The following SRPK2 variants were observed in gnomAD, a reference collection of about 807,000 sequenced individuals.
SRPK2 encodes SRSF protein kinase 2.
In SRPK2, 21 loss-of-function variants were observed where a neutral mutation model predicts 90.8. That is an observed-to-expected ratio of 0.23 (90% CI 0.16 to 0.33). SRPK2 has a LOEUF of 0.33. Ranked by LOEUF, SRPK2 falls within the 10% of genes least tolerant of loss-of-function variation. The pLI, the probability that SRPK2 is intolerant of heterozygous loss-of-function variation, is 1.00. For missense variants in SRPK2, 620 were observed against 869.0 expected, an observed-to-expected ratio of 0.71 and a Z score of 3.60; for synonymous variants, 288 against 311.1, an observed-to-expected ratio of 0.93 and a Z score of 0.78.
At chr7:105,360,208 C>T (rs1818273305) in intron 2 of SRPK2, among the ~76,000 whole-genome samples, 1 of 151,134 alleles carries the variant, frequency 6.6e-6, no homozygotes, top group African/African-American at 2.4e-5. Flanking sequence ...TCGACCCCTG[C>T]TTTTCTCTGC....
At chr7:105,295,160 C>G (rs1011609042) in intron 2 of SRPK2, among the ~76,000 whole-genome samples, 1 of 150,648 alleles carries the variant, frequency 6.6e-6, no homozygotes, top group Middle Eastern at 3.2e-3. Flanking sequence ...TGCGGTGAGC[C>G]AAACTGCGCC....
intron 2 of SRPK2, among the ~76,000 whole-genome samples, chr7:105,323,091 C>T (rs887890209): frequency 6.6e-6 from 1 of 151,922 alleles, no homozygotes; most frequent in Non-Finnish European, 1.5e-5. Flanking sequence ...CCCAGCTACT[C>T]GGGTGGCTGA....
At chr7:105,339,849 G>C (rs1421495167) in intron 2 of SRPK2, among the ~76,000 whole-genome samples, 3 of 152,124 alleles carry the variant, frequency 2.0e-5, no homozygotes, top group African/African-American at 7.2e-5. Context: ...TCACTTGGCA[G>C]CTGTTTGAAA....
chr7:105,393,008 AGG>A (rs1173591898), upstream of SRPK2, among the ~76,000 whole-genome samples: 1 of 122,490 alleles, frequency 8.2e-6, no homozygotes, highest in Non-Finnish European at 1.7e-5. Context: ...TTTGGTGGAG[AGG>A]GGAAGGGAAG....
At chr7:105,223,185 A>G (rs183906073) in intron 2 of SRPK2, among the ~76,000 whole-genome samples, 1 of 152,310 alleles carries the variant, frequency 6.6e-6, no homozygotes, top group East Asian at 1.9e-4. Context: ...CAAGCGCAAT[A>G]AATCCAAAAA....
intron 2 of SRPK2, among the ~76,000 whole-genome samples, chr7:105,351,536 C>T (rs1817177429): frequency 6.6e-6 from 1 of 151,850 alleles, no homozygotes; most frequent in African/African-American, 2.4e-5. Flanking sequence ...GGCGCAGTAG[C>T]TCACACCTGT....
At chr7:105,264,436 T>A (rs1377663586) in intron 2 of SRPK2, among the ~76,000 whole-genome samples, 1 of 152,198 alleles carries the variant, frequency 6.6e-6, no homozygotes, top group African/African-American at 2.4e-5. Context: ...TCTCTATCAA[T>A]TCTCACCAAT....
chr7:105,186,997 T>G (rs934824215), intron 3 of SRPK2, among the ~76,000 whole-genome samples: 21 of 152,254 alleles, frequency 1.4e-4, no homozygotes, highest in African/African-American at 4.3e-4. Context: ...ATCAAGCCCT[T>G]GAGATGTCTC....
chr7:105,175,357 A>G (rs1791706210), intron 3 of SRPK2, among the ~76,000 whole-genome samples: 1 of 135,328 alleles, frequency 7.4e-6, no homozygotes, highest in African/African-American at 2.5e-5. Flanking sequence ...ATATATCAGA[A>G]TCTATGAAAT....
At chr7:105,309,479 C>T (rs1057202223) in intron 2 of SRPK2, among the ~76,000 whole-genome samples, 2 of 152,154 alleles carry the variant, frequency 1.3e-5, no homozygotes, top group African/African-American at 4.8e-5. Context: ...TGTATCTACA[C>T]ATACACATGA....
rs966600648 is a variant in SRPK2, at chr7:105,116,484, A to C, written c.*1354T>G. 1.3e-5 allele frequency: 2 copies of C among 152,660 alleles called. No homozygotes were observed. The highest frequency in any genetic ancestry group is 4.8e-5 in the African/African-American group (2 of 41,470). 9.5% of individuals were successfully genotyped at this position (152,660 alleles called of 1,614,324 possible). On this transcript the variant is annotated 3_prime_UTR_variant, in exon 16 of 16. Transcript: ENST00000393651. The stretch of plus-strand genomic sequence containing the variant: ...AGCTTTTCACAATCTAGTTATTGCA[A>C]AGGCATATGGATAAATGTTAATGGA...
At chr7:105,290,829 A>G (rs55898317) in intron 2 of SRPK2, among the ~76,000 whole-genome samples, 62,552 of 145,974 alleles carry the variant, frequency 0.43, 14,531 homozygotes, top group Non-Finnish European at 0.52. Flanking sequence ...ATGAGGTCAG[A>G]AGATCGAGAC....
chr7:105,145,122 A>T (rs1421742668), intron 9 of SRPK2, among the ~76,000 whole-genome samples, 161 bp downstream of exon 9: 1 of 152,106 alleles, frequency 6.6e-6, no homozygotes, highest in Admixed American at 6.6e-5. Flanking sequence ...AAAAAAAAAA[A>T]AAAAATTAAC....
intron 2 of SRPK2, among the ~76,000 whole-genome samples, chr7:105,319,860 CTT>C (rs75125198): frequency 2.7e-5 from 4 of 145,728 alleles, no homozygotes; most frequent in African/African-American, 2.5e-5. Context: ...ACTTCCCCCC[CTT>C]TTTTTTTTTT....
At chr7:105,203,597 A>C (rs1317586784) in intron 3 of SRPK2, 31 bp downstream of exon 3, 4 of 1,460,654 alleles carry the variant, frequency 2.7e-6, no homozygotes, top group Non-Finnish European at 3.6e-6. Context: ...TGGGGAAGGC[A>C]AGCCCCACAC....
At chr7:105,194,615 A>T (rs7808168) in intron 3 of SRPK2, among the ~76,000 whole-genome samples, 2 of 152,156 alleles carry the variant, frequency 1.3e-5, no homozygotes, top group South Asian at 4.1e-4. Flanking sequence ...CTAAATAAAC[A>T]GACACAATAC....
chr7:105,160,044 T>C (rs936199132), intron 7 of SRPK2, among the ~76,000 whole-genome samples: 10 of 152,230 alleles, frequency 6.6e-5, no homozygotes, highest in Admixed American at 2.6e-4. Flanking sequence ...GTCATCATAC[T>C]GTCTATTAGA....
chr7:105,205,157 A>G (rs866764231), intron 2 of SRPK2, among the ~76,000 whole-genome samples: 4 of 152,154 alleles, frequency 2.6e-5, no homozygotes, highest in African/African-American at 9.6e-5. Context: ...CTCCAACACC[A>G]CCACTAATGC....
intron 2 of SRPK2, among the ~76,000 whole-genome samples, chr7:105,258,224 C>A (rs1803629051): frequency 6.6e-6 from 1 of 151,766 alleles, no homozygotes; most frequent in Non-Finnish European, 1.5e-5. Context: ...CTACACCAGC[C>A]TGACCAATAT....
Sources: gnomAD v4.1 joint callset for allele counts (sites outside exome capture counted in the v4.1 genomes callset) on GRCh38, gnomAD v4.1.1 for gene constraint, MANE v1.5 for transcripts, NCBI Gene and HGNC (gene_info 2026-07-23, HGNC 2026-07-21) for gene names.